Variants in DNAJC17 observed in about 807,000 individuals in gnomAD.
DNAJC17 encodes dnaJ homolog subfamily C member 17.
In DNAJC17, 35 loss-of-function variants were observed where a neutral mutation model predicts 48.1. The ratio of observed to expected loss-of-function variants is 0.73; its 90% CI spans 0.56 to 0.96. The LOEUF is 0.96. Among genes scored for constraint, DNAJC17 ranks in the 50% least tolerant of loss-of-function variants. The pLI is 0.00. For missense variants in DNAJC17, 355 were observed against 377.1 expected (o/e 0.94, Z 0.48); for synonymous variants, 117 against 142.7 (o/e 0.82, Z 1.28).
chr15:40,785,568 C>T, intron 1 of DNAJC17, among the ~76,000 whole-genome samples: 1 of 152,180 alleles, frequency 6.6e-6, no homozygotes, highest in East Asian at 1.9e-4. Flanking sequence ...CTAGGTGCTT[C>T]CTACAAGTTC....
At chr15:40,775,707 G>A in intron 6 of DNAJC17, 111 bp from the exon 7 acceptor site, 1 of 1,081,234 alleles carries the variant, frequency 9.2e-7, no homozygotes, top group Non-Finnish European at 1.4e-6. Context: ...TCCTGACCAA[G>A]GGCAATGCCT....
At position 40,770,201 on chromosome 15, in the gene DNAJC17, C is replaced by T. The variant is rs867962280; in HGVS notation, c.793-2139G>A. 5.8e-6 allele frequency: 2 copies of T among 345,840 alleles called. No homozygotes were observed. Among genetic ancestry groups the T allele is most frequent in the Non-Finnish European group, 1.1e-5 (2 of 189,674 alleles). The allele number at this position is 345,840 out of a possible 1,614,324, so 21.4% of individuals were successfully genotyped here. On this transcript the variant is annotated intron_variant, in intron 10 of 10. Coordinates refer to ENST00000220496, the MANE Select transcript of DNAJC17 (RefSeq NM_018163.3). The surrounding 1 kb of genome is among the most constrained non-coding windows in gnomAD (Gnocchi z 5.0). ...ATTCTGGCTCCAGTAAGTGCTGCTT[C>T]TTCCTCCTGGGTTTTTTTCCACTAC...
At chr15:40,772,903 G>A (rs1889194264) in intron 10 of DNAJC17, among the ~76,000 whole-genome samples, 1 of 152,054 alleles carries the variant, frequency 6.6e-6, no homozygotes, top group Non-Finnish European at 1.5e-5. Flanking sequence ...CCCAGGCAGG[G>A]CACCCAGACT....
At chr15:40,786,981 G>C (rs1159826397) in intron 1 of DNAJC17, among the ~76,000 whole-genome samples, 3 of 152,188 alleles carry the variant, frequency 2.0e-5, no homozygotes, top group African/African-American at 7.2e-5. Flanking sequence ...GTTCTACGGA[G>C]AGTGGTGTCA....
rs1462059057 is a variant in DNAJC17 at position 40,767,532 on chromosome 15, G to T, written c.*408C>A. The T allele has an allele frequency of 3.4e-5, 24 of 699,812 alleles. No homozygotes were observed. Among genetic ancestry groups the T allele is most frequent in the Non-Finnish European group, 5.1e-5 (23 of 450,408 alleles). The allele number at this position is 699,812 out of a possible 1,614,324, so 43.4% of individuals were successfully genotyped here. On this transcript the variant is annotated 3_prime_UTR_variant, in exon 11 of 11. Coordinates refer to ENST00000220496, the MANE Select transcript of DNAJC17 (RefSeq NM_018163.3). ...AACCCTGCGTCAAGCAGTGGGAGAG[G>T]GCAGTGCCCGGTGCCCTGGTGCTCC... is the stretch of plus-strand genomic sequence containing the variant.
At position 40,766,164 on chromosome 15, in the gene DNAJC17, G is replaced by A. The variant is rs981069348; in HGVS notation, c.*1776C>T. 5 of 343,428 alleles carry A rather than the reference G, an allele frequency of 1.5e-5. No homozygotes were observed. The highest frequency in any genetic ancestry group is 2.1e-5 in the African/African-American group (1 of 47,318). The allele number at this position is 343,428 out of a possible 1,614,324, so 21.3% of individuals were successfully genotyped here. A position where few individuals can be genotyped will look rare whatever the true frequency, so the allele number is the denominator to read the frequency against. On this transcript the variant is annotated 3_prime_UTR_variant, in exon 11 of 11. Transcript: ENST00000220496. ...TACTGGAACCGCAGAAACAGAGTCC[G>A]TTCCCTGGGTCTAGGACTCCACTAG...
At chr15:40,795,150 G>A (rs1044619690) in intron 1 of DNAJC17, among the ~76,000 whole-genome samples, 3 of 151,802 alleles carry the variant, frequency 2.0e-5, no homozygotes, top group African/African-American at 2.4e-5. Flanking sequence ...AGTGGCTCAC[G>A]CCTGTGATCC....
At chr15:40,779,751 G>T (rs1889429147) in intron 2 of DNAJC17, 148 bp from the exon 3 acceptor site, 1 of 1,090,774 alleles carries the variant, frequency 9.2e-7, no homozygotes, top group Non-Finnish European at 1.3e-6. Flanking sequence ...AAGGAGGGGT[G>T]AGCATATCAG....
chr15:40,795,189 A>G (rs914803408), intron 1 of DNAJC17, among the ~76,000 whole-genome samples: 5 of 147,804 alleles, frequency 3.4e-5, no homozygotes, highest in African/African-American at 9.9e-5. Context: ...AGGCGGGAGG[A>G]TTGCTTCCAT....
At chr15:40,802,273 C>T (rs752082548) in intron 1 of DNAJC17, among the ~76,000 whole-genome samples, 2 of 151,388 alleles carry the variant, frequency 1.3e-5, no homozygotes, top group Non-Finnish European at 2.9e-5. Flanking sequence ...CAGGTTCAAG[C>T]GATTCTCCTG....
rs1596081318 is a variant in DNAJC17 at position 40,779,541 on chromosome 15, T to C, written c.207+4A>G. 1.9e-6 allele frequency: 3 copies of C among 1,614,136 alleles called. No homozygotes were observed. The highest frequency in any genetic ancestry group is 1.7e-6 in the Non-Finnish European group (2 of 1,180,018). The stretch of plus-strand genomic sequence containing the variant: ...ACGATTCCGATGAAGGAGGCTGTGC[T>C]TACCCTGGCTGCAGCATCGGTCAGC... On this transcript the variant is annotated splice_donor_region_variant and intron_variant, in intron 3 of 10. Coordinates refer to ENST00000220496, the MANE Select transcript of DNAJC17 (RefSeq NM_018163.3).
At position 40,770,599 on chromosome 15, in the gene DNAJC17, A is replaced by G. The variant is rs776196798; in HGVS notation, c.793-2537T>C. On this transcript the variant is annotated intron_variant, in intron 10 of 10. Transcript: ENST00000220496. The surrounding 1 kb of genome is among the most constrained non-coding windows in gnomAD (Gnocchi z 5.0). ...CGGCGACAGAGTAGTGTGCTTAGCCAGGCCAGCACAGCAGGTGGGGACCAC... is the reference window on the plus strand; with the variant it reads ...CGGCGACAGAGTAGTGTGCTTAGCCGGGCCAGCACAGCAGGTGGGGACCAC... The G allele has an allele frequency of 5.8e-6, 9 of 1,550,728 alleles. No individual in the cohort carries two copies. The highest frequency in any genetic ancestry group is 3.9e-5 in the Admixed American group (2 of 51,004).
rs772079236 is a variant in DNAJC17 at position 40,767,457 on chromosome 15, C to T, written c.*483G>A. 17 of 1,262,014 alleles carry T rather than the reference C, an allele frequency of 1.3e-5. No individual in the cohort carries two copies. The highest frequency in any genetic ancestry group is 1.7e-5 in the Non-Finnish European group (16 of 929,306). The allele number at this position is 1,262,014 out of a possible 1,614,324, so 78.2% of individuals were successfully genotyped here. A position where few individuals can be genotyped will look rare whatever the true frequency, so the allele number is the denominator to read the frequency against. On this transcript the variant is annotated 3_prime_UTR_variant, in exon 11 of 11. Transcript: ENST00000220496. ...CTGCCTTGCTCCTCTCTTCCCAAAT[C>T]ATCACCGCCATGGGCCCAGCCCCAA...
chr15:40,775,449 T>A lies in DNAJC17; in HGVS notation c.522+104A>T, dbSNP rs974941344. 13 of 1,319,518 alleles carry A rather than the reference T, an allele frequency of 9.9e-6. No individual in the cohort carries two copies. The South Asian group carries it at 1.5e-4, about 15-fold the overall frequency. The allele number at this position is 1,319,518 out of a possible 1,614,324, so 81.7% of individuals were successfully genotyped here. A position where few individuals can be genotyped will look rare whatever the true frequency, so the allele number is the denominator to read the frequency against. The stretch of plus-strand genomic sequence containing the variant: ...GGTAATGGTGCGGGCTCCACGCAGA[T>A]CCAGCAGCCCCACCAGAAACCCTCG... On this transcript the variant is annotated intron_variant, in intron 7 of 10. Coordinates refer to ENST00000220496, the MANE Select transcript of DNAJC17 (RefSeq NM_018163.3).
intron 1 of DNAJC17, among the ~76,000 whole-genome samples, chr15:40,804,318 C>T (rs1281621827): frequency 1.3e-5 from 2 of 151,934 alleles, no homozygotes; most frequent in East Asian, 3.9e-4. Flanking sequence ...GTGGCTCATG[C>T]CTGCAATCCC....
chr15:40,771,815 G>T (rs1420705750), intron 10 of DNAJC17: 1 of 167,152 alleles, frequency 6.0e-6, no homozygotes, highest in Non-Finnish European at 1.5e-5. Context: ...GGCGCATACA[G>T]GGGCTGGCCA....
rs758456475 is a variant in DNAJC17, at chr15:40,765,805, G to C, written c.*2135C>G. ...CCTCCTCCTGGCAGCCAGCCAAGCA[G>C]CCACTGTGGCTTACCTTGCAGGAGG... On this transcript the variant is annotated 3_prime_UTR_variant, in exon 11 of 11. Transcript: ENST00000220496. The C allele has an allele frequency of 9.5e-6, 13 of 1,375,500 alleles. No homozygotes were observed. The highest frequency in any genetic ancestry group is 1.4e-5 in the African/African-American group (1 of 69,332). 85.2% of individuals were successfully genotyped at this position (1,375,500 alleles called of 1,614,324 possible). A position where few individuals can be genotyped will look rare whatever the true frequency, so the allele number is the denominator to read the frequency against.
In DNAJC17 at chr15:40,767,596, G is replaced by A. The variant is rs2141941980; in HGVS notation, c.*344C>T. On this transcript the variant is annotated 3_prime_UTR_variant, in exon 11 of 11. Transcript: ENST00000220496. ...GCTTCGGGCCTGGGCCGAGGGCCTT[G>A]TGTAGGCCATGTTCCTCGGGCAGCT... The A allele has an allele frequency of 1.7e-6, 1 of 593,040 alleles. No individual in the cohort carries two copies. The highest frequency in any genetic ancestry group is 2.8e-6 in the Non-Finnish European group (1 of 352,586). The allele number at this position is 593,040 out of a possible 1,614,324, so 36.7% of individuals were successfully genotyped here.
At chr15:40,784,753 A>G (rs1889596673) in intron 1 of DNAJC17, among the ~76,000 whole-genome samples, 1 of 152,112 alleles carries the variant, frequency 6.6e-6, no homozygotes, top group African/African-American at 2.4e-5. Flanking sequence ...GATAAAGCCA[A>G]ACAGGGAGGC....
Sources: gnomAD v4.1 joint callset for allele counts (sites outside exome capture counted in the v4.1 genomes callset) on GRCh38, gnomAD v4.1.1 for gene constraint, Gnocchi (gnomAD v3.1) non-coding constraint, MANE v1.5 for transcripts, NCBI Gene and HGNC (gene_info 2026-07-23, HGNC 2026-07-21) for gene names.